ZNF827: variants seen among roughly 807,000 people sequenced by gnomAD.
The protein encoded by ZNF827 is zinc finger protein 827.
A neutral mutation model predicts 102.4 loss-of-function variants in ZNF827; 13 were observed. The observed-to-expected ratio is 0.13, with a 90% CI of 0.08 to 0.20. The LOEUF (loss-of-function observed/expected upper bound fraction) is 0.20, where lower values mean the gene tolerates loss of function less well. Ranked by LOEUF, ZNF827 falls within the 10% of genes least tolerant of loss-of-function variation. The probability of loss-of-function intolerance (pLI) is 1.00; values close to 1 mark genes in which losing one functional copy is unlikely to be tolerated. For missense variants in ZNF827, 1,103 were observed against 1,344.4 expected (o/e 0.82, Z 2.81); for synonymous variants, 523 against 536.2 (o/e 0.98, Z 0.34).
rs1746302682 is a variant in ZNF827, at chr4:145,849,374, G to A, written c.2169C>T (p.Phe723=). The A allele has an allele frequency of 6.2e-7, 1 of 1,614,030 alleles. No homozygotes were observed. The highest frequency in any genetic ancestry group is 1.3e-5 in the African/African-American group (1 of 74,904). ...EGRVPPERNL[F]SQDISVKMAS... is the part of the protein sequence containing the mutation. ...CCATTTTCACAGAGATATCCTGACT[G>A]AAGAGGTTTCTCTCTGGGGGTACTC... Residue 723 remains phenylalanine (F), a synonymous_variant, in exon 6 of 15, where the codon TTC becomes TTT. Transcript: ENST00000508784.
intron 7 of ZNF827, among the ~76,000 whole-genome samples, chr4:145,844,755 T>C (rs771414488): frequency 9.9e-5 from 15 of 152,216 alleles, no homozygotes; most frequent in Middle Eastern, 3.4e-3. Flanking sequence ...TGAGGCAAGC[T>C]GGCTCTGTTT....
At chr4:145,766,088 T>C (rs1274675415) in intron 11 of ZNF827, among the ~76,000 whole-genome samples, 1 of 152,232 alleles carries the variant, frequency 6.6e-6, no homozygotes, top group Non-Finnish European at 1.5e-5. Flanking sequence ...AAATCCTGTG[T>C]GGCACAACTG....
chr4:145,803,670 G>C (rs1368004026), intron 8 of ZNF827, among the ~76,000 whole-genome samples: 1 of 152,076 alleles, frequency 6.6e-6, no homozygotes, highest in African/African-American at 2.4e-5. Context: ...TTGATCAAAG[G>C]ATTCCTTATA....
At chr4:145,795,473 C>T (rs563533810) in intron 8 of ZNF827, among the ~76,000 whole-genome samples, 6 of 152,322 alleles carry the variant, frequency 3.9e-5, no homozygotes, top group South Asian at 2.1e-4. Context: ...AATGAATTTT[C>T]GTCTCTTAGA....
chr4:145,890,778 G>A (rs1750526694), intron 3 of ZNF827, among the ~76,000 whole-genome samples: 1 of 152,214 alleles, frequency 6.6e-6, no homozygotes, highest in Non-Finnish European at 1.5e-5. Flanking sequence ...GAGGGTTAAA[G>A]TAAAAACTAA....
chr4:145,876,539 A>G (rs1267270866), intron 4 of ZNF827: 1 of 152,242 alleles, frequency 6.6e-6, no homozygotes, highest in African/African-American at 2.4e-5. Flanking sequence ...TATTGAGCAC[A>G]TAACATGAGC....
chr4:145,928,810 C>T (rs1275141321), intron 1 of ZNF827, among the ~76,000 whole-genome samples: 1 of 152,132 alleles, frequency 6.6e-6, no homozygotes, highest in Non-Finnish European at 1.5e-5. Context: ...CAAACGCCTA[C>T]AGGGATCAGG....
rs1021942168 is a variant in ZNF827 at position 145,878,199 on chromosome 4, G to A, written c.1747+7479C>T. ...CTGTGGCAGACCATGAAATGGCTACGATTCCCCCCTCCAAAGGCCCACCTC... is the reference window on the plus strand; with the variant it reads ...CTGTGGCAGACCATGAAATGGCTACAATTCCCCCCTCCAAAGGCCCACCTC... On this transcript the variant is annotated intron_variant, in intron 4 of 14. Transcript: ENST00000508784. 3.9e-5 allele frequency among the ~76,000 whole-genome samples: 6 copies of A among 152,262 alleles called. No individual in the cohort carries two copies. In the South Asian group the frequency reaches 8.3e-4, roughly 21 times the overall value.
chr4:145,867,397 T>C (rs927885665), intron 5 of ZNF827, among the ~76,000 whole-genome samples: 1 of 152,240 alleles, frequency 6.6e-6, no homozygotes, highest in Non-Finnish European at 1.5e-5. Context: ...CATAGAAAAG[T>C]TCCACATGAT....
chr4:145,862,889 G>A (rs575592314), intron 5 of ZNF827, among the ~76,000 whole-genome samples: 1 of 152,050 alleles, frequency 6.6e-6, no homozygotes, highest in South Asian at 2.1e-4. Flanking sequence ...GAAAAACAGA[G>A]ATAAAATGGA....
chr4:145,865,264 T>C (rs1387210637), intron 5 of ZNF827, among the ~76,000 whole-genome samples: 2 of 152,220 alleles, frequency 1.3e-5, no homozygotes, highest in African/African-American at 4.8e-5. Context: ...GATACCATTA[T>C]TTCATAATAA....
intron 11 of ZNF827, among the ~76,000 whole-genome samples, chr4:145,767,639 C>T (rs757960064): frequency 6.6e-6 from 1 of 152,132 alleles, no homozygotes; most frequent in Non-Finnish European, 1.5e-5. Context: ...GTTATGTGCA[C>T]AGGAACAAAA....
chr4:145,795,819 C>T (rs1279240990), intron 8 of ZNF827, among the ~76,000 whole-genome samples: 2 of 152,178 alleles, frequency 1.3e-5, no homozygotes, highest in African/African-American at 4.8e-5. Flanking sequence ...ATCTGCCTAG[C>T]CAGAGTAGGG....
intron 8 of ZNF827, among the ~76,000 whole-genome samples, chr4:145,808,244 C>G (rs1014755437): frequency 6.6e-6 from 1 of 152,120 alleles, no homozygotes; most frequent in African/African-American, 2.4e-5. Context: ...CATACTCTAA[C>G]AAAGACAGCC....
chr4:145,842,308 T>C (rs544926530), intron 7 of ZNF827, among the ~76,000 whole-genome samples: 2 of 152,158 alleles, frequency 1.3e-5, no homozygotes, highest in East Asian at 3.9e-4. Flanking sequence ...TGGACAGGTG[T>C]GAGGAGGGAG....
At chr4:145,879,012 A>G (rs1006000776) in intron 4 of ZNF827, among the ~76,000 whole-genome samples, 1 of 152,196 alleles carries the variant, frequency 6.6e-6, no homozygotes, top group Admixed American at 6.5e-5. Flanking sequence ...AAAAAATTTA[A>G]CTAGATTAGT....
chr4:145,785,779 T>C (rs181161502), intron 8 of ZNF827, among the ~76,000 whole-genome samples: 2 of 152,186 alleles, frequency 1.3e-5, no homozygotes, highest in Non-Finnish European at 2.9e-5. Flanking sequence ...CCACATGAAA[T>C]CAATGCCAAA....
chr4:145,792,455 C>G (rs1454221264), intron 8 of ZNF827, among the ~76,000 whole-genome samples: 1 of 151,894 alleles, frequency 6.6e-6, no homozygotes, highest in Non-Finnish European at 1.5e-5. Flanking sequence ...TTCTGTTTGT[C>G]ATTTCAGGAT....
intron 5 of ZNF827, among the ~76,000 whole-genome samples, chr4:145,863,454 T>C (rs906366487): frequency 1.6e-4 from 24 of 152,258 alleles, no homozygotes; most frequent in Middle Eastern, 3.4e-3. Flanking sequence ...ACATGAATGT[T>C]CATAGTAGCA....
Sources: allele counts gnomAD v4.1 joint callset (sites outside exome capture counted in the v4.1 genomes callset), GRCh38; gene constraint gnomAD v4.1.1; transcripts MANE v1.5; gene names NCBI Gene and HGNC (gene_info 2026-07-23, HGNC 2026-07-21).